PSMA6: variants seen among roughly 807,000 people sequenced by gnomAD.
The protein encoded by PSMA6 is proteasome subunit alpha type-6.
For synonymous variants in PSMA6, 88 were observed against 97.7 expected (o/e 0.90, Z 0.59); for missense variants, 170 against 294.8 (o/e 0.58, Z 3.10).
At chr14:35,314,663 C>G (rs2052007736) in intron 6 of PSMA6, 1 of 461,576 alleles carries the variant, frequency 2.2e-6, no homozygotes, top group South Asian at 9.1e-5. Flanking sequence ...CTCCTTATTT[C>G]AGAGTGATTT....
intron 1 of PSMA6, among the ~76,000 whole-genome samples, chr14:35,300,594 G>C (rs1461982751): frequency 6.6e-6 from 1 of 152,026 alleles, no homozygotes; most frequent in African/African-American, 2.4e-5. Flanking sequence ...AGGGTGGAGG[G>C]GTCTCTTGAG....
At chr14:35,314,329 A>T (rs764234531) in intron 5 of PSMA6, 32 bp from the exon 6 acceptor site, 27 of 1,551,728 alleles carry the variant, frequency 1.7e-5, no homozygotes, top group African/African-American at 2.8e-5. Context: ...TCTAAAAAAT[A>T]CTATATTTTA....
At chr14:35,287,958 T>C (rs1254892236), upstream of PSMA6, among the ~76,000 whole-genome samples, 5 of 152,364 alleles carry the variant, frequency 3.3e-5, no homozygotes, top group African/African-American at 9.6e-5. Flanking sequence ...CGTTTTGTCT[T>C]TCTGAAAGAT....
intron 1 of PSMA6, among the ~76,000 whole-genome samples, chr14:35,300,454 A>C (rs1285663866): frequency 1.3e-5 from 2 of 152,218 alleles, no homozygotes; most frequent in African/African-American, 4.8e-5. Flanking sequence ...CCTAGACAAC[A>C]GAGTGAGACC....
At chr14:35,287,063 C>T (rs746935750) in intron 1 of PSMA6, among the ~76,000 whole-genome samples, 1 of 152,144 alleles carries the variant, frequency 6.6e-6, no homozygotes, top group Non-Finnish European at 1.5e-5. Context: ...ACCCTTTTCT[C>T]CTCCTCCAAC....
upstream of PSMA6, among the ~76,000 whole-genome samples, chr14:35,290,525 A>G (rs1300724853): frequency 6.6e-6 from 1 of 152,236 alleles, no homozygotes; most frequent in Non-Finnish European, 1.5e-5. Context: ...GATTAATAAA[A>G]TAGAAATTAA....
intron 1 of PSMA6, among the ~76,000 whole-genome samples, 173 bp from the exon 2 acceptor site, chr14:35,307,821 G>C (rs2051859225): frequency 1.3e-5 from 2 of 152,184 alleles, no homozygotes; most frequent in South Asian, 4.2e-4. Context: ...AATGGAGTTG[G>C]TTTAACTGTG....
chr14:35,308,428 AAAAAGAAAAAAG>A lies in PSMA6; in HGVS notation c.171+355_171+366del, dbSNP rs568051176. ...AACAGTGCAACTCCGTCTCAAAAAAAAAAAGAAAAAAGAAAAGAAAAAAGAATTTTTCATGGG... is the reference window on the plus strand; with the variant it reads ...AACAGTGCAACTCCGTCTCAAAAAAAAAAAGAAAAAAGAATTTTTCATGGG... On this transcript the variant is annotated intron_variant, in intron 2 of 6. Transcript: ENST00000261479. The A allele has an allele frequency of 2.2e-3, 410 of 186,200 alleles. 2 individuals are homozygous for A. Among genetic ancestry groups the A allele is most frequent in the African/African-American group, 8.7e-3 (366 of 42,158 alleles). The allele number at this position is 186,200 out of a possible 1,614,324, so 11.5% of individuals were successfully genotyped here. A position where few individuals can be genotyped will look rare whatever the true frequency, so the allele number is the denominator to read the frequency against.
chr14:35,292,263 G>A, upstream of PSMA6: 2 of 1,359,974 alleles, frequency 1.5e-6, no homozygotes, highest in Middle Eastern at 2.8e-4. Context: ...ACCTTCAAAG[G>A]CCTCCCGCCC....
At chr14:35,291,957 A>T (rs1040336157), upstream of PSMA6, among the ~76,000 whole-genome samples, 8 of 152,142 alleles carry the variant, frequency 5.3e-5, no homozygotes, top group Admixed American at 3.9e-4. Flanking sequence ...GCCTAAATTT[A>T]ACGGCTGCAG....
chr14:35,291,544 C>G (rs2051480527), upstream of PSMA6, among the ~76,000 whole-genome samples: 1 of 149,782 alleles, frequency 6.7e-6, no homozygotes, highest in Non-Finnish European at 1.5e-5. Context: ...TAAAAATTGC[C>G]TGGGCACTGT....
chr14:35,292,963 T>C (rs1387616748), intron 1 of PSMA6: 1 of 462,162 alleles, frequency 2.2e-6, no homozygotes, highest in Non-Finnish European at 4.3e-6. Context: ...CATGGACTTC[T>C]GTGGTTAATT....
At chr14:35,295,839 A>G (rs1451946362) in intron 1 of PSMA6, among the ~76,000 whole-genome samples, 1 of 152,222 alleles carries the variant, frequency 6.6e-6, no homozygotes, top group Non-Finnish European at 1.5e-5. Context: ...TAGCTTTGTA[A>G]TCTATTTTCA....
intron 1 of PSMA6, among the ~76,000 whole-genome samples, chr14:35,301,552 A>G (rs1276764148): frequency 1.3e-5 from 2 of 152,142 alleles, no homozygotes; most frequent in Non-Finnish European, 2.9e-5. Flanking sequence ...TACACTAGCC[A>G]CATTTTATGT....
chr14:35,287,948 C>T (rs551637770), upstream of PSMA6, among the ~76,000 whole-genome samples: 18 of 152,254 alleles, frequency 1.2e-4, no homozygotes, highest in Non-Finnish European at 2.2e-4. Flanking sequence ...AATTGGCAAA[C>T]GTTTTGTCTT....
upstream of PSMA6, chr14:35,292,238 T>C: frequency 8.1e-7 from 1 of 1,232,850 alleles, no homozygotes; most frequent in Non-Finnish European, 1.0e-6. Flanking sequence ...AGAGGCCTGC[T>C]TGGCGCAGGC....
chr14:35,308,712 A>G, intron 2 of PSMA6: 1 of 470,120 alleles, frequency 2.1e-6, no homozygotes, highest in Non-Finnish European at 3.8e-6. Flanking sequence ...TCATCTAGAA[A>G]AGGTAAATAG....
chr14:35,317,403 CCT>C lies in PSMA6; in HGVS notation c.*101_*102del. 9.3e-7 allele frequency: 1 copy of C among 1,076,076 alleles called. No homozygotes were observed. The highest frequency in any genetic ancestry group is 1.3e-5 in the South Asian group (1 of 74,430). 66.7% of individuals were successfully genotyped at this position (1,076,076 alleles called of 1,614,324 possible). A position where few individuals can be genotyped will look rare whatever the true frequency, so the allele number is the denominator to read the frequency against. On this transcript the variant is annotated 3_prime_UTR_variant, in exon 7 of 7. Transcript: ENST00000261479. ...GGAGGTCCCTGGATTGAAAAAGGAG[CCT>C]CTCCCACTCCTCCTACCACCGAAGT... is the stretch of plus-strand genomic sequence containing the variant.
rs71445906 is a variant in PSMA6, at chr14:35,299,327, C to CTTTTT, written c.76+6784_76+6788dup. Among the ~76,000 whole-genome samples the CTTTTT allele has an allele frequency of 9.1e-5, 6 of 66,004 alleles. 1 individual carries two copies. In the South Asian group the frequency reaches 1.9e-3, roughly 21 times the overall value. The allele number at this position is 66,004 out of a possible 152,430, so 43.3% of individuals were successfully genotyped here. ...TGTGAGCCGCCGCAGTGCCCAGCCT[C>CTTTTT]TTTTTTTTTTTTTGAGATGGAGTCT... On this transcript the variant is annotated intron_variant, in intron 1 of 6. Coordinates refer to ENST00000261479, the MANE Select transcript of PSMA6 (RefSeq NM_002791.3).
Sources: allele counts gnomAD v4.1 joint callset (sites outside exome capture counted in the v4.1 genomes callset), GRCh38; gene constraint gnomAD v4.1.1; transcripts MANE v1.5; gene names NCBI Gene and HGNC (gene_info 2026-07-23, HGNC 2026-07-21).